PPP2R2B: variants seen among roughly 807,000 people sequenced by gnomAD.
The protein encoded by PPP2R2B is protein phosphatase 2 regulatory subunit Bbeta.
Under a neutral mutation model 46.0 loss-of-function variants are expected in PPP2R2B, and 5 were observed. The observed-to-expected ratio is 0.11, with a 90% CI of 0.06 to 0.23. PPP2R2B has a LOEUF of 0.23. Among genes scored for constraint, PPP2R2B ranks in the 10% least tolerant of loss-of-function variants. The pLI, the probability that PPP2R2B is intolerant of heterozygous loss-of-function variation, is 1.00. For missense variants in PPP2R2B, 367 were observed against 575.0 expected (o/e 0.64, Z 3.70); for synonymous variants, 215 against 206.7 (o/e 1.04, Z -0.34).
chr5:146,958,145 T>C (rs1461867502), intron 1 of PPP2R2B, among the ~76,000 whole-genome samples: 1 of 152,018 alleles, frequency 6.6e-6, no homozygotes, highest in African/African-American at 2.4e-5. Flanking sequence ...CGAGCAGACA[T>C]TAATCGCAGA....
intron 1 of PPP2R2B, among the ~76,000 whole-genome samples, chr5:146,928,463 C>CAA (rs772349730): frequency 2.7e-5 from 4 of 148,498 alleles, no homozygotes; most frequent in African/African-American, 9.9e-5. Flanking sequence ...ATGCTCAGAC[C>CAA]AAAAAAAAAA....
intron 2 of PPP2R2B, among the ~76,000 whole-genome samples, chr5:146,869,821 C>T (rs1306912057): frequency 6.6e-6 from 1 of 152,174 alleles, no homozygotes; most frequent in Non-Finnish European, 1.5e-5. Flanking sequence ...ATGCAGTTGG[C>T]ATGAACCAAC....
intron 5 of PPP2R2B, among the ~76,000 whole-genome samples, chr5:146,684,685 C>T (rs1778380341): frequency 2.6e-5 from 4 of 152,200 alleles, no homozygotes; most frequent in African/African-American, 9.7e-5. Flanking sequence ...CCTTCCTAAT[C>T]CCGTCTCCTC....
intron 1 of PPP2R2B, among the ~76,000 whole-genome samples, chr5:146,928,942 G>A (rs565031645): frequency 1.2e-4 from 18 of 152,204 alleles, no homozygotes; most frequent in Admixed American, 7.2e-4. Flanking sequence ...TAATGCTTCC[G>A]GAAAACATGA....
Position 146,661,445 on chromosome 5 carries a change from T to C in PPP2R2B, c.448-10721A>G, listed in dbSNP as rs569099664. Among the ~76,000 whole-genome samples the C allele has an allele frequency of 3.3e-5, 5 of 152,156 alleles. No individual in the cohort carries two copies. The East Asian group carries it at 9.6e-4, about 29-fold the overall frequency. On this transcript the variant is annotated intron_variant, in intron 5 of 9. Coordinates refer to ENST00000394411, the MANE Select transcript of PPP2R2B (RefSeq NM_181675.4). ...AAGGTACTTCATATACAAAGATATATACATATATACATAAATATATAAAAT... is the reference window on the plus strand; with the variant it reads ...AAGGTACTTCATATACAAAGATATACACATATATACATAAATATATAAAAT...
chr5:146,839,284 G>C (rs1400187785), intron 2 of PPP2R2B, among the ~76,000 whole-genome samples: 1 of 152,220 alleles, frequency 6.6e-6, no homozygotes, highest in Non-Finnish European at 1.5e-5. Context: ...ACTTACGGAG[G>C]CTGAAGTAGG....
chr5:146,629,878 A>G (rs1774314878), intron 7 of PPP2R2B, among the ~76,000 whole-genome samples: 1 of 151,674 alleles, frequency 6.6e-6, no homozygotes, highest in Admixed American at 6.6e-5. Flanking sequence ...CAGTGGCACA[A>G]TCTTGGCTCA....
intron 2 of PPP2R2B, among the ~76,000 whole-genome samples, chr5:146,870,205 G>A (rs1435972876): frequency 1.3e-5 from 2 of 152,120 alleles, no homozygotes; most frequent in African/African-American, 2.4e-5. Context: ...GATGGAGGAG[G>A]TTTTCAGTTC....
intron 1 of PPP2R2B, among the ~76,000 whole-genome samples, chr5:147,033,180 C>A (rs1208016129): frequency 1.3e-5 from 2 of 152,180 alleles, no homozygotes; most frequent in Non-Finnish European, 2.9e-5. Flanking sequence ...AGATTACTGA[C>A]CAGGAAGTCA....
intron 1 of PPP2R2B, among the ~76,000 whole-genome samples, chr5:146,955,404 T>C (rs1243247304): frequency 1.3e-5 from 2 of 152,284 alleles, no homozygotes; most frequent in African/African-American, 4.8e-5. Flanking sequence ...ACATTTTGAG[T>C]AGCAAGTAAA....
chr5:146,942,638 T>G (rs1764355800), intron 1 of PPP2R2B, among the ~76,000 whole-genome samples: 1 of 152,194 alleles, frequency 6.6e-6, no homozygotes, highest in Admixed American at 6.5e-5. Flanking sequence ...CCACCAATAA[T>G]GCATGAGAAC....
intron 2 of PPP2R2B, among the ~76,000 whole-genome samples, chr5:146,775,206 T>G (rs1295272207): frequency 6.6e-6 from 1 of 152,140 alleles, no homozygotes; most frequent in Non-Finnish European, 1.5e-5. Flanking sequence ...AACTATAAAC[T>G]AACACATTTT....
At chr5:146,649,366 T>C (rs1461058284) in intron 6 of PPP2R2B, among the ~76,000 whole-genome samples, 1 of 151,944 alleles carries the variant, frequency 6.6e-6, no homozygotes, top group African/African-American at 2.4e-5. Context: ...TACTATGAAA[T>C]AGAGGGTCAA....
At chr5:146,622,772 C>T (rs1581738829) in intron 7 of PPP2R2B, among the ~76,000 whole-genome samples, 1 of 152,264 alleles carries the variant, frequency 6.6e-6, no homozygotes, top group East Asian at 1.9e-4. Flanking sequence ...AAGTTGTGAT[C>T]AAGACACAAA....
upstream of PPP2R2B, among the ~76,000 whole-genome samples, chr5:146,882,217 C>T (rs1251895974): frequency 6.6e-6 from 1 of 150,852 alleles, no homozygotes; most frequent in African/African-American, 2.4e-5. Context: ...GCAGAGGTTG[C>T]ATCGCACCAC....
intron 2 of PPP2R2B, among the ~76,000 whole-genome samples, chr5:147,073,900 G>C (rs947317949): frequency 7.2e-5 from 11 of 152,100 alleles, no homozygotes; most frequent in Admixed American, 2.6e-4. Context: ...GCCAGGGGTG[G>C]TGGCAGGCAC....
chr5:147,017,865 G>T (rs922039810), intron 1 of PPP2R2B, among the ~76,000 whole-genome samples: 8 of 152,096 alleles, frequency 5.3e-5, no homozygotes, highest in African/African-American at 1.9e-4. Flanking sequence ...CCTGTTGCTT[G>T]TCTATCCTAA....
At chr5:147,010,533 G>A (rs1288584806) in intron 1 of PPP2R2B, among the ~76,000 whole-genome samples, 1 of 152,142 alleles carries the variant, frequency 6.6e-6, no homozygotes, top group Admixed American at 6.5e-5. Flanking sequence ...TAAGGTGTGT[G>A]CAACCTAAAT....
chr5:146,795,256 A>G (rs1458041204), intron 2 of PPP2R2B, among the ~76,000 whole-genome samples: 3 of 152,176 alleles, frequency 2.0e-5, no homozygotes, highest in Non-Finnish European at 4.4e-5. Context: ...TAATTGCAGC[A>G]TTATTCACAA....
Sources: gnomAD v4.1 joint callset for allele counts (sites outside exome capture counted in the v4.1 genomes callset) on GRCh38, gnomAD v4.1.1 for gene constraint, MANE v1.5 for transcripts, NCBI Gene and HGNC (gene_info 2026-07-23, HGNC 2026-07-21) for gene names.